Variants in LRRC7 observed in about 807,000 individuals in gnomAD.
LRRC7 encodes leucine rich repeat containing 7, also known as leucine-rich repeat-containing protein 7.
Under a neutral mutation model 175.7 loss-of-function variants are expected in LRRC7, and 23 were observed. That is an observed-to-expected ratio of 0.13 (90% confidence interval 0.09 to 0.19). The LOEUF is 0.19. Ranked by LOEUF, LRRC7 falls within the 10% of genes least tolerant of loss-of-function variation. LRRC7 has a pLI of 1.00. For synonymous variants in LRRC7, 685 were observed against 680.9 expected (o/e 1.01, Z -0.09); for missense variants, 1,354 against 1,904.7 (o/e 0.71, Z 5.38).
intron 2 of LRRC7, among the ~76,000 whole-genome samples, chr1:69,686,838 A>G (rs4650012): frequency 6.6e-6 from 1 of 152,100 alleles, no homozygotes; most frequent in Non-Finnish European, 1.5e-5. Flanking sequence ...AGAAAGACCA[A>G]CTATATGTTG....
At chr1:70,029,664 A>G (rs746303616) in intron 18 of LRRC7, among the ~76,000 whole-genome samples, 2 of 152,160 alleles carry the variant, frequency 1.3e-5, no homozygotes, top group African/African-American at 2.4e-5. Context: ...CATTTAGCAG[A>G]TACACACTAA....
chr1:69,744,928 T>A (rs1262920059), intron 2 of LRRC7, among the ~76,000 whole-genome samples: 1 of 151,908 alleles, frequency 6.6e-6, no homozygotes, highest in East Asian at 1.9e-4. Context: ...CATGTAAAGA[T>A]GTACCCTTTA....
At chr1:70,110,578 T>C (rs1665460649) in intron 26 of LRRC7, among the ~76,000 whole-genome samples, 1 of 152,108 alleles carries the variant, frequency 6.6e-6, no homozygotes, top group Admixed American at 6.6e-5. Flanking sequence ...GGAAGAAATT[T>C]TCAGCCAAGA....
At chr1:70,053,250 CT>C in intron 23 of LRRC7, 105 bp downstream of exon 23, 1 of 1,120,322 alleles carries the variant, frequency 8.9e-7, no homozygotes, top group Admixed American at 2.9e-5. Flanking sequence ...TTTGTGATAA[CT>C]TTAAGGTAAA....
chr1:69,776,870 A>G (rs1225333213), intron 3 of LRRC7, among the ~76,000 whole-genome samples: 1 of 151,708 alleles, frequency 6.6e-6, no homozygotes, highest in East Asian at 1.9e-4. Context: ...TTTGATATTT[A>G]TTGCTCAGAC....
chr1:69,766,681 A>T (rs902299176), intron 3 of LRRC7, among the ~76,000 whole-genome samples: 1 of 152,174 alleles, frequency 6.6e-6, no homozygotes, highest in Non-Finnish European at 1.5e-5. Context: ...AGGCTTCTGG[A>T]TTGAAAAATC....
At chr1:69,793,690 G>A (rs1675390471) in intron 4 of LRRC7, among the ~76,000 whole-genome samples, 1 of 150,062 alleles carries the variant, frequency 6.7e-6, no homozygotes, top group African/African-American at 2.5e-5. Context: ...TTTATCTATT[G>A]TCTGGAATCT....
intron 3 of LRRC7, among the ~76,000 whole-genome samples, chr1:69,769,319 T>C (rs1042663258): frequency 1.3e-5 from 2 of 152,186 alleles, no homozygotes; most frequent in African/African-American, 2.4e-5. Flanking sequence ...ATATAAAGTA[T>C]GTGAAAGTAA....
chr1:69,823,641 T>C (rs1326437940), intron 4 of LRRC7, among the ~76,000 whole-genome samples: 1 of 152,152 alleles, frequency 6.6e-6, no homozygotes, highest in Non-Finnish European at 1.5e-5. Flanking sequence ...TTCTTTTTCC[T>C]GTGTTCTCTA....
chr1:69,976,661 C>G (rs917223834), intron 8 of LRRC7, among the ~76,000 whole-genome samples: 2 of 152,134 alleles, frequency 1.3e-5, no homozygotes, highest in African/African-American at 4.8e-5. Context: ...GTAGGATGCT[C>G]TTGTTCACTT....
rs202014971 is a variant in LRRC7 at position 70,095,971 on chromosome 1, G to GT, written c.4545+6161dup. ...CACATATATGCATGTTGTTTTTTTT[G>GT]TTTTTTTTTGTTTTTTGTTTTTTGA... On this transcript the variant is annotated intron_variant, in intron 25 of 26. Transcript: ENST00000651989. 1.3e-3 allele frequency among the ~76,000 whole-genome samples: 189 copies of GT among 149,602 alleles called. No individual in the cohort carries two copies. The East Asian group carries it at 0.014, about 11-fold the overall frequency.
chr1:70,106,804 T>G (rs1444024410), intron 25 of LRRC7, among the ~76,000 whole-genome samples: 2 of 152,224 alleles, frequency 1.3e-5, no homozygotes, highest in Non-Finnish European at 2.9e-5. Flanking sequence ...CTCTGCAATT[T>G]CCTTCTTCCC....
intron 23 of LRRC7, among the ~76,000 whole-genome samples, chr1:70,068,560 T>TGG (rs1662145447): frequency 6.6e-6 from 1 of 152,114 alleles, no homozygotes; most frequent in African/African-American, 2.4e-5. Flanking sequence ...TTTATAGTGG[T>TGG]TTTTTTCTTC....
At chr1:69,675,679 A>G (rs1206748821) in intron 1 of LRRC7, among the ~76,000 whole-genome samples, 1 of 152,258 alleles carries the variant, frequency 6.6e-6, no homozygotes, top group East Asian at 1.9e-4. Context: ...AAATTGTGCG[A>G]TGAATTAATT....
intron 1 of LRRC7, chr1:69,608,379 T>G (rs1773323): frequency 0.35 from 53,649 of 151,812 alleles, 10,370 homozygotes; most frequent in African/African-American, 0.5. Context: ...CATGGACCTG[T>G]GCCCCAAGAC....
In LRRC7 at chr1:69,986,360, T is replaced by C. The variant is rs1486829367; in HGVS notation, c.905T>C (p.Met302Thr). The C allele has an allele frequency of 1.9e-6, 3 of 1,613,292 alleles. No individual in the cohort carries two copies. The highest frequency in any genetic ancestry group is 1.7e-6 in the Non-Finnish European group (2 of 1,179,574). The change falls in exon 10 of 27, where the codon ATG becomes ACG. Residue 302 changes from methionine to threonine, a missense_variant. By Grantham distance (81) the Met-to-Thr change is moderately conservative (BLOSUM62 -1). This residue lies in a region of LRRC7 where 201 missense variants were observed against 481.4 expected (regional missense o/e 0.42). Transcript: ENST00000651989. ...ALEDLLLSSN[M>T]LQQLPDSIGL... ...GAGGACCTCTTATTGTCATCCAATA[T>C]GTTGCAACAATTGCCTGATTCTATA... is the stretch of plus-strand genomic sequence containing the variant.
intron 3 of LRRC7, among the ~76,000 whole-genome samples, chr1:69,772,499 A>G (rs1215394630): frequency 6.6e-6 from 1 of 152,228 alleles, no homozygotes; most frequent in East Asian, 1.9e-4. Flanking sequence ...TCTAAGTGAC[A>G]TGAAGGGACA....
Position 70,144,315 on chromosome 1 carries a change from C to T in LRRC7, c.*22428C>T, listed in dbSNP as rs566416658. On this transcript the variant is annotated 3_prime_UTR_variant, in exon 27 of 27. Transcript: ENST00000651989. ...GTATTTAAAAAAGTGTTTTGAATAA[C>T]ATAAAAGTCTCCTTATTGTATAAAT... 6.6e-6 allele frequency: 1 copy of T among 152,134 alleles called. No homozygotes were observed. The highest frequency in any genetic ancestry group is 2.1e-4 in the South Asian group (1 of 4,824). 9.4% of individuals were successfully genotyped at this position (152,134 alleles called of 1,614,324 possible). A position where few individuals can be genotyped will look rare whatever the true frequency, so the allele number is the denominator to read the frequency against.
At chr1:69,927,687 G>T (rs553226095) in intron 7 of LRRC7, among the ~76,000 whole-genome samples, 1 of 151,950 alleles carries the variant, frequency 6.6e-6, no homozygotes, top group South Asian at 2.1e-4. Context: ...CTCTGTATTG[G>T]TTATTCTAGT....
Sources: gnomAD v4.1 joint callset for allele counts (sites outside exome capture counted in the v4.1 genomes callset) on GRCh38, gnomAD v4.1.1 for gene constraint, gnomAD v4.1.1 regional missense constraint, MANE v1.5 for transcripts, NCBI Gene and HGNC (gene_info 2026-07-23, HGNC 2026-07-21) for gene names.